Variants in OSBPL10 observed in about 807,000 individuals in gnomAD.
The protein encoded by OSBPL10 is oxysterol-binding protein-related protein 10.
OSBPL10 carries 49 observed loss-of-function variants against 81.7 expected under a neutral mutation model. The observed-to-expected ratio is 0.60, with a 90% CI of 0.48 to 0.76. OSBPL10 has a LOEUF of 0.76. OSBPL10 is among the 30% of genes least tolerant of loss of function. OSBPL10 has a pLI of 0.00. For synonymous variants in OSBPL10, 419 were observed against 383.6 expected (o/e 1.09, Z -1.08); for missense variants, 923 against 987.8 (o/e 0.93, Z 0.88).
chr3:31,668,610 A>C lies in OSBPL10; in HGVS notation c.2096+32T>G, dbSNP rs754755356. ...TTGAGTCAGGTGCCCAGCATGACTAAGCTGGAGAGGAAGACACAGCCCGGT... is the reference window on the plus strand; with the variant it reads ...TTGAGTCAGGTGCCCAGCATGACTACGCTGGAGAGGAAGACACAGCCCGGT... On this transcript the variant is annotated intron_variant, in intron 10 of 11. Coordinates refer to ENST00000396556, the MANE Select transcript of OSBPL10 (RefSeq NM_017784.5). 1.9e-6 allele frequency: 3 copies of C among 1,566,696 alleles called. No homozygotes were observed. In the African/African-American group the frequency reaches 4.1e-5, roughly 21 times the overall value.
At chr3:31,800,469 T>G (rs1042487675) in intron 4 of OSBPL10, among the ~76,000 whole-genome samples, 2 of 152,204 alleles carry the variant, frequency 1.3e-5, no homozygotes, top group African/African-American at 4.8e-5. Flanking sequence ...ATGGCAGGCG[T>G]TCCCACCCCT....
intron 2 of OSBPL10, chr3:32,030,476 A>C: frequency 1.4e-6 from 1 of 696,956 alleles, no homozygotes; most frequent in Non-Finnish European, 2.7e-6. Flanking sequence ...GTGCGTATTA[A>C]GCGTATTAAG....
intron 4 of OSBPL10, among the ~76,000 whole-genome samples, chr3:31,827,307 GA>G (rs370605020): frequency 2.9e-4 from 43 of 148,532 alleles, no homozygotes; most frequent in African/African-American, 9.1e-4. Context: ...TACGATAAAG[GA>G]AAAAAAAAAG....
intron 4 of OSBPL10, among the ~76,000 whole-genome samples, chr3:31,809,261 G>A (rs116068138): frequency 1.3e-5 from 2 of 152,120 alleles, no homozygotes; most frequent in South Asian, 2.1e-4. Context: ...GGGAATACAT[G>A]CAATCCACAG....
chr3:31,807,244 G>A (rs563618568), intron 4 of OSBPL10, among the ~76,000 whole-genome samples: 3 of 152,206 alleles, frequency 2.0e-5, no homozygotes, highest in South Asian at 2.1e-4. Context: ...GCCAGGCGTC[G>A]TGTTGCACAC....
At chr3:31,831,096 G>C (rs190001682) in intron 3 of OSBPL10, among the ~76,000 whole-genome samples, 80 of 152,254 alleles carry the variant, frequency 5.3e-4, no homozygotes, top group African/African-American at 1.9e-3. Flanking sequence ...CTAACACTTT[G>C]AAATCCAAAA....
intron 4 of OSBPL10, among the ~76,000 whole-genome samples, chr3:31,815,713 T>C (rs977077833): frequency 1.3e-5 from 2 of 152,110 alleles, no homozygotes; most frequent in African/African-American, 4.8e-5. Flanking sequence ...CCCCTGGCGG[T>C]GGCAGGAACC....
intron 3 of OSBPL10, among the ~76,000 whole-genome samples, chr3:31,839,394 C>T (rs1700438270): frequency 6.6e-6 from 1 of 152,066 alleles, no homozygotes; most frequent in Admixed American, 6.5e-5. Flanking sequence ...CAAAGTACAA[C>T]AATAAGCAAA....
At chr3:31,668,529 G>T (rs1489475099) in intron 10 of OSBPL10, 113 bp downstream of exon 10, 1 of 977,098 alleles carries the variant, frequency 1.0e-6, no homozygotes, top group Non-Finnish European at 1.4e-6. Flanking sequence ...AGTAGAACAT[G>T]ATTCCTGGCC....
intron 4 of OSBPL10, among the ~76,000 whole-genome samples, chr3:31,764,266 G>A (rs1698137952): frequency 6.6e-6 from 1 of 152,226 alleles, no homozygotes; most frequent in East Asian, 1.9e-4. Context: ...AACGAATATA[G>A]TTCCACATAT....
chr3:32,074,853 T>C (rs1200725407), intron 1 of OSBPL10, among the ~76,000 whole-genome samples: 1 of 152,226 alleles, frequency 6.6e-6, no homozygotes, highest in African/African-American at 2.4e-5. Flanking sequence ...TTTCCAGTTC[T>C]GCCTGACACA....
intron 2 of OSBPL10, among the ~76,000 whole-genome samples, chr3:32,009,440 T>C (rs1443909199): frequency 2.0e-5 from 3 of 152,184 alleles, no homozygotes. Flanking sequence ...TCACTTAAAC[T>C]CTCAGGTGTC....
chr3:31,930,003 C>CAAACAAACAAAA (rs1306473764), intron 1 of OSBPL10, among the ~76,000 whole-genome samples: 2 of 72,570 alleles, frequency 2.8e-5, no homozygotes, highest in African/African-American at 5.3e-5. Flanking sequence ...TGTCACCAAC[C>CAAACAAACAAAA]AAAAAAAAAA....
At chr3:32,008,177 A>ATTTTTT (rs58417694) in intron 2 of OSBPL10, among the ~76,000 whole-genome samples, 1 of 142,420 alleles carries the variant, frequency 7.0e-6, no homozygotes, top group African/African-American at 2.6e-5. Context: ...TGTTTTTATC[A>ATTTTTT]TTTTTTTTTT....
chr3:31,759,244 C>A (rs768761971), intron 4 of OSBPL10, among the ~76,000 whole-genome samples: 2 of 152,096 alleles, frequency 1.3e-5, no homozygotes, highest in Non-Finnish European at 2.9e-5. Context: ...GAGTAAGTGC[C>A]TCATATGCTA....
intron 6 of OSBPL10, among the ~76,000 whole-genome samples, chr3:31,710,356 T>C (rs1264083713): frequency 2.0e-5 from 3 of 152,172 alleles, no homozygotes; most frequent in African/African-American, 7.2e-5. Flanking sequence ...AGTGGTATGT[T>C]GACTTGAGGT....
At chr3:31,707,238 G>T (rs1447481746) in intron 6 of OSBPL10, 1 of 152,220 alleles carries the variant, frequency 6.6e-6, no homozygotes, top group Non-Finnish European at 1.5e-5. Flanking sequence ...GCAGGGGCAA[G>T]AGGGTCTACT....
intron 4 of OSBPL10, among the ~76,000 whole-genome samples, chr3:31,783,788 TTAAAAAAAAAAAAAAA>T (rs1698768270): frequency 1.1e-4 from 2 of 18,908 alleles, no homozygotes; most frequent in Non-Finnish European, 2.0e-4. Context: ...AAGACTCCGA[TTAAAAAAAAAAAAAAA>T]AAAAAAAAAA....
intron 3 of OSBPL10, among the ~76,000 whole-genome samples, chr3:31,874,525 A>T (rs966110755): frequency 1.1e-4 from 16 of 152,188 alleles, no homozygotes; most frequent in Admixed American, 5.2e-4. Context: ...AATCAAGAGG[A>T]AAAAATGAGC....
Sources: gnomAD v4.1 joint callset for allele counts (sites outside exome capture counted in the v4.1 genomes callset) on GRCh38, gnomAD v4.1.1 for gene constraint, MANE v1.5 for transcripts, NCBI Gene and HGNC (gene_info 2026-07-23, HGNC 2026-07-21) for gene names.